The following SLC35F5 variants were observed in gnomAD, a reference collection of about 807,000 sequenced individuals.
SLC35F5 encodes the protein HCV NS5A-transactivated protein 3.
Under a neutral mutation model 68.6 loss-of-function variants are expected in SLC35F5, and 54 were observed. That is an observed-to-expected ratio of 0.79 (90% CI 0.63 to 0.99). The LOEUF (loss-of-function observed/expected upper bound fraction) is 0.99, where lower values mean the gene tolerates loss of function less well. Ranked by LOEUF, SLC35F5 falls within the 50% of genes least tolerant of loss-of-function variation. The pLI is 0.00. For synonymous variants in SLC35F5, 211 were observed against 205.2 expected, an observed-to-expected ratio of 1.03 and a Z score of -0.24; for missense variants, 567 against 626.9, an observed-to-expected ratio of 0.90 and a Z score of 1.02.
rs540311754 is a variant in SLC35F5 at position 113,732,011 on chromosome 2, C to T, written c.921-363G>A. ...CTCCAGAGTCCAGTGCTTTTATGTG[C>T]TATGCTATCCACTATCTTTCAGTTA... On this transcript the variant is annotated intron_variant, in intron 9 of 15. Coordinates refer to ENST00000245680, the MANE Select transcript of SLC35F5 (RefSeq NM_025181.5). Among the ~76,000 whole-genome samples, 603 of 152,246 alleles carry T rather than the reference C, an allele frequency of 4.0e-3. 2 individuals are homozygous for T. In the Middle Eastern group the frequency reaches 0.041, roughly 10 times the overall value.
At chr2:113,741,699 TAA>T (rs11448220) in intron 7 of SLC35F5, among the ~76,000 whole-genome samples, 5 of 142,054 alleles carry the variant, frequency 3.5e-5, no homozygotes, top group Non-Finnish European at 4.5e-5. Context: ...GAAACTCCAT[TAA>T]AAAAAAAAAA....
At chr2:113,729,148 G>C (rs572020160) in intron 11 of SLC35F5, among the ~76,000 whole-genome samples, 3 of 152,192 alleles carry the variant, frequency 2.0e-5, no homozygotes, top group Admixed American at 2.0e-4. Context: ...GCAGTCTGAA[G>C]ACATCAATTT....
chr2:113,721,971 C>CTTTTTTTT lies in SLC35F5; in HGVS notation c.1341+1125_1341+1132dup, dbSNP rs71297192. ...AGCACTAAGCATATTTTGCTTTTAT[C>CTTTTTTTT]TTTTTTTTTTTTTTTTTTTTTGAGA... is the stretch of plus-strand genomic sequence containing the variant. On this transcript the variant is annotated intron_variant, in intron 13 of 15. Transcript: ENST00000245680. Among the ~76,000 whole-genome samples, 178 of 107,640 alleles carry CTTTTTTTT rather than the reference C, an allele frequency of 1.7e-3. 5 individuals carry two copies. The highest frequency in any genetic ancestry group is 5.3e-3 in the African/African-American group (151 of 28,260). The allele number at this position is 107,640 out of a possible 152,430, so 70.6% of individuals were successfully genotyped here. A position where few individuals can be genotyped will look rare whatever the true frequency, so the allele number is the denominator to read the frequency against.
chr2:113,719,495 C>T lies in SLC35F5; in HGVS notation c.1342-187G>A, dbSNP rs1424769911. On this transcript the variant is annotated intron_variant, in intron 13 of 15. Coordinates refer to ENST00000245680, the MANE Select transcript of SLC35F5 (RefSeq NM_025181.5). ...GAATTCAAGACTTCAACTTACTATT[C>T]CATGCACCTAAATTACCAACAACAA... The T allele has an allele frequency of 1.5e-5, 7 of 469,332 alleles. No homozygotes were observed. The South Asian group carries it at 2.9e-4, about 19-fold the overall frequency. 29.1% of individuals were successfully genotyped at this position (469,332 alleles called of 1,614,324 possible).
At chr2:113,729,759 C>T (rs185387699) in intron 10 of SLC35F5, among the ~76,000 whole-genome samples, 2 of 151,616 alleles carry the variant, frequency 1.3e-5, no homozygotes, top group East Asian at 1.9e-4. Flanking sequence ...CTCAATGATT[C>T]GACCAAAACC....
chr2:113,750,536 G>T lies in SLC35F5; in HGVS notation c.306C>A (p.Phe102Leu). Reference sequence around the variant, plus strand: ...ACATAGATGTTTTTGCAAAGGTGCTGAAGAATGGTTTGTTGTACTGGGTAA... The same window carrying T: ...ACATAGATGTTTTTGCAAAGGTGCTTAAGAATGGTTTGTTGTACTGGGTAA... ...YVFTQYNKPF[F>L]STFAKTSMFV... The change falls in exon 4 of 16, where the codon TTC becomes TTA. Residue 102 changes from phenylalanine to leucine, a missense_variant. Physicochemically the swap from Phe to Leu is conservative, Grantham distance 22. Coordinates refer to ENST00000245680, the MANE Select transcript of SLC35F5 (RefSeq NM_025181.5). 1 of 1,612,318 alleles carries T rather than the reference G, an allele frequency of 6.2e-7. No homozygotes were observed.
At chr2:113,721,913 T>A (rs1313555815) in intron 13 of SLC35F5, among the ~76,000 whole-genome samples, 1 of 151,012 alleles carries the variant, frequency 6.6e-6, no homozygotes, top group South Asian at 2.1e-4. Context: ...TAAATATCAG[T>A]AAAGAATTAT....
At position 113,729,531 on chromosome 2, in the gene SLC35F5, C is replaced by T. The variant is rs76898853; in HGVS notation, c.986-26G>A. ...CTGTAAAAATGGACATGATTTAAAG[C>T]AATCACTCATTAGCTCATTCAATAT... On this transcript the variant is annotated intron_variant, in intron 10 of 15. Transcript: ENST00000245680. 1.1e-3 allele frequency: 1,417 copies of T among 1,268,358 alleles called. 2 individuals are homozygous for T. Among genetic ancestry groups the T allele is most frequent in the Middle Eastern group, 4.5e-3 (24 of 5,368 alleles). The allele number at this position is 1,268,358 out of a possible 1,614,324, so 78.6% of individuals were successfully genotyped here. A position where few individuals can be genotyped will look rare whatever the true frequency, so the allele number is the denominator to read the frequency against.
At chr2:113,747,146 G>A (rs554749259) in intron 4 of SLC35F5, among the ~76,000 whole-genome samples, 3 of 151,896 alleles carry the variant, frequency 2.0e-5, no homozygotes, top group African/African-American at 7.2e-5. Flanking sequence ...AAATTAGCTA[G>A]GCACAGTGGC....
intron 3 of SLC35F5, among the ~76,000 whole-genome samples, chr2:113,754,305 G>GAAAAAAAAAAAAAAAAAAAAA (rs375660155): frequency 8.5e-6 from 1 of 117,506 alleles, no homozygotes; most frequent in Non-Finnish European, 1.8e-5. Flanking sequence ...AAAAAAAAAA[G>GAAAAAAAAAAAAAAAAAAAAA]AAAAAAAAAA....
At chr2:113,753,531 C>T (rs1676842400) in intron 3 of SLC35F5, among the ~76,000 whole-genome samples, 2 of 152,082 alleles carry the variant, frequency 1.3e-5, no homozygotes, top group South Asian at 4.1e-4. Flanking sequence ...ACATTACATA[C>T]ATTCTTGAAT....
At position 113,708,953 on chromosome 2, in the gene SLC35F5, C is replaced by T. The variant is rs1256222413; in HGVS notation, c.*6265G>A. On this transcript the variant is annotated 3_prime_UTR_variant, in exon 16 of 16. Coordinates refer to ENST00000245680, the MANE Select transcript of SLC35F5 (RefSeq NM_025181.5). Reference sequence around the variant, plus strand: ...CCTATTCATCTGATATATTTGGCCTCCATAAAACTGCCATGGATTCCAACT... The same window carrying T: ...CCTATTCATCTGATATATTTGGCCTTCATAAAACTGCCATGGATTCCAACT... Among the ~76,000 whole-genome samples, 2 of 152,210 alleles carry T rather than the reference C, an allele frequency of 1.3e-5. No individual in the cohort carries two copies. Among genetic ancestry groups the T allele is most frequent in the Admixed American group, 6.5e-5 (1 of 15,276 alleles).
chr2:113,756,464 TCA>T lies in SLC35F5; in HGVS notation c.-57_-56del. On this transcript the variant is annotated 5_prime_UTR_variant, in exon 1 of 16. It removes the in-frame stop codon of an upstream open reading frame in the 5' UTR. Transcript: ENST00000245680. The stretch of plus-strand genomic sequence containing the variant: ...CAGCGCCACGGCCGCGGCCTCGGAC[TCA>T]CAGAGCTGTCACCGCGCCTGACATC... The T allele has an allele frequency of 6.5e-7, 1 of 1,534,332 alleles. No individual in the cohort carries two copies. Among genetic ancestry groups the T allele is most frequent in the African/African-American group, 1.4e-5 (1 of 72,750 alleles).
chr2:113,718,284 T>C (rs1687255816), intron 14 of SLC35F5, among the ~76,000 whole-genome samples: 3 of 152,002 alleles, frequency 2.0e-5, no homozygotes, highest in Admixed American at 6.6e-5. Flanking sequence ...GACAGGGTCT[T>C]GATATGTTGC....
At chr2:113,747,356 T>C (rs1185625640) in intron 4 of SLC35F5, among the ~76,000 whole-genome samples, 1 of 152,046 alleles carries the variant, frequency 6.6e-6, no homozygotes, top group Non-Finnish European at 1.5e-5. Flanking sequence ...GCTAATGCTA[T>C]GTAAATATGA....
At chr2:113,722,454 A>G (rs1240363831) in intron 13 of SLC35F5, among the ~76,000 whole-genome samples, 1 of 152,170 alleles carries the variant, frequency 6.6e-6, no homozygotes. Context: ...ATGCCTACAT[A>G]TACTGAACTG....
rs1170687501 is a variant in SLC35F5, at chr2:113,708,770, A to C, written c.*6448T>G. On this transcript the variant is annotated 3_prime_UTR_variant, in exon 16 of 16. Transcript: ENST00000245680. ...ACATGCTATAGTAAATTAATCATAC[A>C]CTCAAAATTTTAGCTTGGATTTGTT... Among the ~76,000 whole-genome samples, 1 of 152,134 alleles carries C rather than the reference A, an allele frequency of 6.6e-6. No homozygotes were observed. The highest frequency in any genetic ancestry group is 1.5e-5 in the Non-Finnish European group (1 of 68,022).
intron 9 of SLC35F5, among the ~76,000 whole-genome samples, chr2:113,734,321 G>A (rs763770246): frequency 4.6e-5 from 7 of 152,192 alleles, no homozygotes; most frequent in Non-Finnish European, 8.8e-5. Context: ...AAGTGTGAAC[G>A]TCAGTCCAAT....
intron 9 of SLC35F5, among the ~76,000 whole-genome samples, chr2:113,732,291 A>C (rs933903358): frequency 1.1e-4 from 16 of 152,162 alleles, no homozygotes; most frequent in African/African-American, 3.9e-4. Flanking sequence ...TGGGCATCTA[A>C]TATGGGCAAA....
Sources: allele counts gnomAD v4.1 joint callset (sites outside exome capture counted in the v4.1 genomes callset), GRCh38; gene constraint gnomAD v4.1.1; transcripts MANE v1.5; gene names NCBI Gene and HGNC (gene_info 2026-07-23, HGNC 2026-07-21).